SQLE: variants seen among roughly 807,000 people sequenced by gnomAD.
SQLE encodes the protein squalene monooxygenase.
A neutral mutation model predicts 60.7 loss-of-function variants in SQLE; 29 were observed. The ratio of observed to expected loss-of-function variants is 0.48; its 90% CI spans 0.36 to 0.65. SQLE has a LOEUF of 0.65. Among genes scored for constraint, SQLE ranks in the 30% least tolerant of loss-of-function variants. The pLI, the probability that SQLE is intolerant of heterozygous loss-of-function variation, is 0.00. For missense variants in SQLE, 605 were observed against 684.1 expected (o/e 0.88, Z 1.29); for synonymous variants, 237 against 246.8 (o/e 0.96, Z 0.37).
chr8:125,019,445 C>T (rs1563600715), intron 9 of SQLE, among the ~76,000 whole-genome samples: 1 of 149,048 alleles, frequency 6.7e-6, no homozygotes, highest in South Asian at 2.1e-4. Flanking sequence ...ATCAGCAAGG[C>T]ATGGTGGCGT....
At chr8:125,019,533 C>T (rs1194530531) in intron 9 of SQLE, among the ~76,000 whole-genome samples, 1 of 152,128 alleles carries the variant, frequency 6.6e-6, no homozygotes, top group African/African-American at 2.4e-5. Context: ...TGAAGTGCCA[C>T]TGCACTCAGC....
rs954309198 is a variant in SQLE, at chr8:124,999,057, T to G, written c.-347T>G. The G allele has an allele frequency of 7.0e-6, 2 of 285,630 alleles. No homozygotes were observed. Among genetic ancestry groups the G allele is most frequent in the African/African-American group, 4.3e-5 (2 of 46,280 alleles). 17.7% of individuals were successfully genotyped at this position (285,630 alleles called of 1,614,324 possible). ...ACGAAGAGCCAGTATCAGAAGAGTA[T>G]CCATCACCCGCAGCAACCGCTCAGG... is the stretch of plus-strand genomic sequence containing the variant. On this transcript the variant is annotated 5_prime_UTR_variant, in exon 1 of 11. Coordinates refer to ENST00000265896, the MANE Select transcript of SQLE (RefSeq NM_003129.4).
intron 6 of SQLE, 109 bp from the exon 7 acceptor site, chr8:125,011,428 C>T: frequency 2.6e-6 from 2 of 769,688 alleles, no homozygotes; most frequent in Middle Eastern, 2.4e-4. Flanking sequence ...ATGTAACAAC[C>T]ATAACAGATG....
chr8:125,005,806 G>T, intron 3 of SQLE, 101 bp downstream of exon 3: 3 of 1,016,148 alleles, frequency 3.0e-6, no homozygotes, highest in Non-Finnish European at 4.1e-6. Context: ...AATTTTTGGG[G>T]CATAGTCTAG....
chr8:125,021,273 T>G (rs1815199418), intron 10 of SQLE, among the ~76,000 whole-genome samples: 1 of 152,188 alleles, frequency 6.6e-6, no homozygotes, highest in Admixed American at 6.5e-5. Flanking sequence ...TCTTGGAAAG[T>G]CTACAAAGTG....
intron 7 of SQLE, among the ~76,000 whole-genome samples, chr8:125,015,207 A>G (rs1206982489): frequency 1.3e-5 from 2 of 152,136 alleles, no homozygotes; most frequent in African/African-American, 4.8e-5. Flanking sequence ...ACTGATGTAA[A>G]TATCACTATG....
intron 7 of SQLE, among the ~76,000 whole-genome samples, chr8:125,017,618 C>T (rs973233476): frequency 1.3e-5 from 2 of 152,190 alleles, no homozygotes; most frequent in African/African-American, 4.8e-5. Context: ...GTCTCACTGG[C>T]CAAGCTGGTA....
At chr8:125,020,933 TGAA>T (rs1815194601) in intron 10 of SQLE, 62 bp downstream of exon 10, 1 of 1,104,120 alleles carries the variant, frequency 9.1e-7, no homozygotes, top group Admixed American at 1.9e-5. Context: ...GTTCAGTTGA[TGAA>T]TTACTGCAAA....
Position 125,007,481 on chromosome 8 carries a change from T to C in SQLE, c.816T>C (p.Asp272=). The change falls in exon 4 of 11, where the codon GAT becomes GAC. Residue 272 remains aspartate, a synonymous_variant. Transcript: ENST00000265896. ...GVQYKDKETG[D]IKELHAPLTV... Reference sequence around the variant, plus strand: ...AGTACAAGGATAAAGAGACTGGAGATATCAAGGTGAGAAATACCAAATGTC... The same window carrying C: ...AGTACAAGGATAAAGAGACTGGAGACATCAAGGTGAGAAATACCAAATGTC... 6.5e-7 allele frequency: 1 copy of C among 1,540,776 alleles called. No homozygotes were observed.
chr8:125,004,241 G>A (rs1814911178), intron 2 of SQLE, among the ~76,000 whole-genome samples: 2 of 151,996 alleles, frequency 1.3e-5, no homozygotes, highest in Admixed American at 6.6e-5. Flanking sequence ...ACTTCATAAT[G>A]TACTTCACTT....
chr8:125,001,281 A>G (rs1208451757), intron 1 of SQLE, among the ~76,000 whole-genome samples: 1 of 152,172 alleles, frequency 6.6e-6, no homozygotes, highest in Non-Finnish European at 1.5e-5. Context: ...TTGGGTTACC[A>G]GCAATCAATA....
At position 124,999,496 on chromosome 8, in the gene SQLE, C is replaced by A; in HGVS notation, c.93C>A (p.Cys31Ter). Residue 31 changes from cysteine (C) to a stop codon, truncating the protein, a stop_gained, in exon 1 of 11, where the codon TGC (cysteine) becomes TGA (stop). Transcript: ENST00000265896. LOFTEE classifies it high-confidence loss of function. ...TGGCCAACAGGGAGGTCCTGTTGTG[C>A]GTGCTGGTGTTCCTCTCGCTGGGCC... ...ITLANREVLLCVLVFLSLGLV... is the reference protein window; with the variant it reads ...ITLANREVLL The A allele has an allele frequency of 6.2e-7, 1 of 1,604,516 alleles. No individual in the cohort carries two copies. The highest frequency in any genetic ancestry group is 1.1e-5 in the South Asian group (1 of 89,890).
chr8:125,003,850 A>T (rs573733512), intron 2 of SQLE, among the ~76,000 whole-genome samples: 4 of 148,280 alleles, frequency 2.7e-5, no homozygotes, highest in African/African-American at 1.0e-4. Flanking sequence ...TTCATTTAGG[A>T]AATATTTATG....
At chr8:125,003,468 A>G (rs1563595933) in intron 2 of SQLE, 40 bp downstream of exon 2, 1 of 1,600,238 alleles carries the variant, frequency 6.2e-7, no homozygotes, top group Non-Finnish European at 8.5e-7. Flanking sequence ...ACGTGGTATG[A>G]ACAAGCACTC....
intron 9 of SQLE, 76 bp downstream of exon 9, chr8:125,018,803 G>A (rs1815152322): frequency 1.0e-5 from 10 of 966,072 alleles, no homozygotes; most frequent in Non-Finnish European, 1.5e-5. Context: ...ACAAGTTAGT[G>A]ATTTGTCCAG....
At chr8:125,020,181 A>G (rs1260953472) in intron 9 of SQLE, among the ~76,000 whole-genome samples, 1 of 152,196 alleles carries the variant, frequency 6.6e-6, no homozygotes, top group Non-Finnish European at 1.5e-5. Flanking sequence ...TATTGGAGCA[A>G]AAGTTTACCT....
At chr8:125,004,026 A>G (rs1814908371) in intron 2 of SQLE, among the ~76,000 whole-genome samples, 1 of 152,190 alleles carries the variant, frequency 6.6e-6, no homozygotes, top group Admixed American at 6.5e-5. Context: ...CTCCATCTCC[A>G]AATATCATCA....
chr8:125,022,101 T>C lies in SQLE; in HGVS notation c.*156T>C. ...TAATTTGTTTTTGAAGTTTTTTGTATATAAATATGTAAATACATGCTTTAA... is the reference window on the plus strand; with the variant it reads ...TAATTTGTTTTTGAAGTTTTTTGTACATAAATATGTAAATACATGCTTTAA... On this transcript the variant is annotated 3_prime_UTR_variant, in exon 11 of 11. Coordinates refer to ENST00000265896, the MANE Select transcript of SQLE (RefSeq NM_003129.4). 1 of 442,302 alleles carries C rather than the reference T, an allele frequency of 2.3e-6. No individual in the cohort carries two copies. Among genetic ancestry groups the C allele is most frequent in the Non-Finnish European group, 3.8e-6 (1 of 265,196 alleles). The allele number at this position is 442,302 out of a possible 1,614,324, so 27.4% of individuals were successfully genotyped here.
At position 125,020,792 on chromosome 8, in the gene SQLE, C is replaced by T. The variant is rs772760066; in HGVS notation, c.1453C>T (p.His485Tyr). The stretch of plus-strand genomic sequence containing the variant: ...TTACAATTTTATTTTAGATTCCCTG[C>T]ATCAACTAAGAAAAGCCTGTTTTCT... ...ELFSATDDSL[H>Y]QLRKACFLYF... The change falls in exon 10 of 11, where the codon CAT becomes TAT. Residue 485 changes from histidine (H) to tyrosine (Y), a missense_variant. Transcript: ENST00000265896. 1 of 1,609,322 alleles carries T rather than the reference C, an allele frequency of 6.2e-7. No homozygotes were observed. Among genetic ancestry groups the T allele is most frequent in the Non-Finnish European group, 8.5e-7 (1 of 1,176,078 alleles).
Sources: gnomAD v4.1 joint callset for allele counts (sites outside exome capture counted in the v4.1 genomes callset) on GRCh38, gnomAD v4.1.1 for gene constraint, MANE v1.5 for transcripts, NCBI Gene and HGNC (gene_info 2026-07-23, HGNC 2026-07-21) for gene names.